The following NLGN1 variants were observed in gnomAD, a reference collection of about 807,000 sequenced individuals.
NLGN1 encodes neuroligin 1, also known as neuroligin-1.
NLGN1 carries 12 observed loss-of-function variants against 65.5 expected under a neutral mutation model. The ratio of observed to expected loss-of-function variants is 0.18; its 90% confidence interval spans 0.12 to 0.30. The LOEUF is 0.30. NLGN1 is among the 10% of genes least tolerant of loss of function. NLGN1 has a pLI of 1.00. For missense variants in NLGN1, 750 were observed against 1,007.1 expected (o/e 0.74, Z 3.46); for synonymous variants, 350 against 359.5 (o/e 0.97, Z 0.30).
intron 4 of NLGN1, among the ~76,000 whole-genome samples, chr3:174,041,458 T>C (rs1020971334): frequency 3.3e-5 from 5 of 152,192 alleles, no homozygotes; most frequent in African/African-American, 1.2e-4. Flanking sequence ...ATTGTACAAA[T>C]ATTTTTGTGA....
chr3:173,483,228 A>T (rs1229881700), intron 2 of NLGN1, among the ~76,000 whole-genome samples: 1 of 152,090 alleles, frequency 6.6e-6, no homozygotes, highest in Non-Finnish European at 1.5e-5. Flanking sequence ...TTTAAAAAAT[A>T]CTAAGAGATT....
chr3:173,597,105 T>C (rs751553001), intron 2 of NLGN1, among the ~76,000 whole-genome samples: 4 of 152,206 alleles, frequency 2.6e-5, no homozygotes, highest in Non-Finnish European at 5.9e-5. Context: ...TCTGTTGATA[T>C]TCTGTGTGTT....
At chr3:173,646,393 C>G (rs1197957521) in intron 3 of NLGN1, among the ~76,000 whole-genome samples, 1 of 152,218 alleles carries the variant, frequency 6.6e-6, no homozygotes, top group Non-Finnish European at 1.5e-5. Context: ...TCACCACTTT[C>G]TCTGGTTAGG....
intron 3 of NLGN1, among the ~76,000 whole-genome samples, chr3:173,742,442 A>G (rs936832803): frequency 9.9e-5 from 15 of 152,198 alleles, no homozygotes; most frequent in African/African-American, 3.1e-4. Context: ...AGCTTCTACT[A>G]TATTCTATAC....
At chr3:173,545,339 G>T (rs922804109) in intron 2 of NLGN1, among the ~76,000 whole-genome samples, 1 of 152,064 alleles carries the variant, frequency 6.6e-6, no homozygotes, top group Admixed American at 6.6e-5. Flanking sequence ...CTCCCAAAGT[G>T]CTGGGATTAC....
chr3:173,420,273 G>C (rs2148691053), intron 1 of NLGN1, among the ~76,000 whole-genome samples: 1 of 151,922 alleles, frequency 6.6e-6, no homozygotes, highest in East Asian at 1.9e-4. Flanking sequence ...TCCCCTTCCT[G>C]TGTCCATGTG....
intron 2 of NLGN1, among the ~76,000 whole-genome samples, chr3:173,478,368 CAAG>C (rs199774067): frequency 0.015 from 2,349 of 151,978 alleles, 73 homozygotes; most frequent in African/African-American, 0.053. Flanking sequence ...CACATGAACA[CAAG>C]GAGGGGAACA....
chr3:173,437,561 T>A (rs969277981), intron 2 of NLGN1, among the ~76,000 whole-genome samples: 5 of 152,208 alleles, frequency 3.3e-5, no homozygotes, highest in African/African-American at 1.2e-4. Context: ...TCTATGGTAC[T>A]TGTCTTGGAG....
intron 2 of NLGN1, among the ~76,000 whole-genome samples, chr3:173,494,639 G>A (rs1178912886): frequency 6.6e-6 from 1 of 151,476 alleles, no homozygotes; most frequent in East Asian, 1.9e-4. Flanking sequence ...TACATTTTAT[G>A]TTTCTCCAAT....
intron 3 of NLGN1, among the ~76,000 whole-genome samples, chr3:173,696,643 ACTT>A (rs1255356546): frequency 6.6e-6 from 1 of 152,156 alleles, no homozygotes; most frequent in East Asian, 1.9e-4. Context: ...TTTACTTCAT[ACTT>A]CTTTTCTCTC....
intron 4 of NLGN1, among the ~76,000 whole-genome samples, chr3:174,020,964 A>C (rs1475971694): frequency 6.6e-6 from 1 of 152,080 alleles, no homozygotes; most frequent in East Asian, 1.9e-4. Context: ...ATTTAAATTG[A>C]TATAGTTCAA....
intron 4 of NLGN1, among the ~76,000 whole-genome samples, chr3:174,223,615 T>C (rs1739069347): frequency 6.6e-6 from 1 of 152,186 alleles, no homozygotes; most frequent in Non-Finnish European, 1.5e-5. Context: ...TTTCCTGACT[T>C]CTAAATGTGT....
intron 2 of NLGN1, among the ~76,000 whole-genome samples, chr3:173,445,818 T>C (rs1258970399): frequency 6.6e-6 from 1 of 152,170 alleles, no homozygotes; most frequent in Non-Finnish European, 1.5e-5. Context: ...GGGAACACTT[T>C]AAGTTCACAC....
intron 4 of NLGN1, among the ~76,000 whole-genome samples, chr3:174,152,826 A>G (rs1561169406): frequency 6.6e-6 from 1 of 152,142 alleles, no homozygotes; most frequent in Admixed American, 6.6e-5. Flanking sequence ...ACTTAATATA[A>G]CACGATAATC....
chr3:173,776,799 A>G (rs1048193420), intron 3 of NLGN1, among the ~76,000 whole-genome samples: 6 of 151,998 alleles, frequency 3.9e-5, no homozygotes, highest in Admixed American at 6.6e-5. Context: ...ATCCTCTGTT[A>G]TGACTGACTA....
intron 4 of NLGN1, among the ~76,000 whole-genome samples, chr3:174,249,921 GATTAT>G (rs1472889719): frequency 5.3e-5 from 8 of 152,166 alleles, no homozygotes; most frequent in African/African-American, 1.4e-4. Context: ...GAAAGGAGAA[GATTAT>G]ATTATCAAGG....
At chr3:173,864,430 TAA>T (rs1234904112) in intron 4 of NLGN1, among the ~76,000 whole-genome samples, 1 of 152,184 alleles carries the variant, frequency 6.6e-6, no homozygotes, top group African/African-American at 2.4e-5. Context: ...TTATTTATCA[TAA>T]GACAATTTTT....
chr3:173,618,963 C>T (rs948421351), intron 3 of NLGN1, among the ~76,000 whole-genome samples: 21 of 152,066 alleles, frequency 1.4e-4, no homozygotes, highest in African/African-American at 3.6e-4. Context: ...CTGTGCAGTC[C>T]GGCTGATCCC....
chr3:174,220,043 T>C (rs1577416754), intron 4 of NLGN1, among the ~76,000 whole-genome samples: 1 of 152,100 alleles, frequency 6.6e-6, no homozygotes, highest in East Asian at 1.9e-4. Context: ...TGTAAGGCTC[T>C]GGCAATCAGG....
Sources: allele counts gnomAD v4.1 joint callset (sites outside exome capture counted in the v4.1 genomes callset), GRCh38; gene constraint gnomAD v4.1.1; transcripts MANE v1.5; gene names NCBI Gene and HGNC (gene_info 2026-07-23, HGNC 2026-07-21).